The following DCP1B variants were observed in gnomAD, a reference collection of about 807,000 sequenced individuals.
The protein encoded by DCP1B is mRNA-decapping enzyme 1B.
DCP1B carries 47 observed loss-of-function variants against 60.5 expected under a neutral mutation model. The observed-to-expected ratio is 0.78, with a 90% confidence interval of 0.61 to 0.99. DCP1B has a LOEUF of 0.99. DCP1B is among the 50% of genes least tolerant of loss of function. The pLI, the probability that DCP1B is intolerant of heterozygous loss-of-function variation, is 0.00. For synonymous variants in DCP1B, 267 were observed against 280.3 expected, an observed-to-expected ratio of 0.95 and a Z score of 0.47; for missense variants, 725 against 756.8, an observed-to-expected ratio of 0.96 and a Z score of 0.49.
rs570167295 is a variant in DCP1B, at chr12:1,972,576, T to A, written c.320-4666A>T. 2.0e-5 allele frequency among the ~76,000 whole-genome samples: 3 copies of A among 152,354 alleles called. No homozygotes were observed. In the South Asian group the frequency reaches 6.2e-4, roughly 32 times the overall value. On this transcript the variant is annotated intron_variant, in intron 3 of 8. Coordinates refer to ENST00000280665, the MANE Select transcript of DCP1B (RefSeq NM_152640.5). The stretch of plus-strand genomic sequence containing the variant: ...AAGAACCTATTTCACCAATGAGGAA[T>A]CTGTGGTCTAACAAGGTTAAATAAG...
intron 3 of DCP1B, among the ~76,000 whole-genome samples, chr12:1,985,686 G>A (rs747588751): frequency 2.4e-4 from 37 of 152,290 alleles, no homozygotes; most frequent in Non-Finnish European, 3.5e-4. Context: ...GAGACTCAGA[G>A]TCCTCTTGAA....
At chr12:1,957,191 A>G (rs576913887) in intron 5 of DCP1B, among the ~76,000 whole-genome samples, 1 of 152,354 alleles carries the variant, frequency 6.6e-6, no homozygotes, top group South Asian at 2.1e-4. Context: ...GGGGGGAAAA[A>G]CAGTTTTTGA....
In DCP1B at chr12:2,004,385, A is replaced by T. The variant is rs770383084; in HGVS notation, c.47T>A (p.Ile16Asn). 1 of 1,612,676 alleles carries T rather than the reference A, an allele frequency of 6.2e-7. No individual in the cohort carries two copies. The highest frequency in any genetic ancestry group is 1.3e-5 in the African/African-American group (1 of 75,040). ...AGGLVGKGRDISLAALQRHDP... is the reference protein window; with the variant it reads ...AGGLVGKGRDNSLAALQRHDP... ...GTGGCGCTGCAGGGCCGCTAGGCTG[A>T]TGTCGCGCCCCTTTCCCACCAGGCC... The change falls in exon 1 of 9, where the codon ATC becomes AAC. Residue 16 changes from isoleucine (I) to asparagine (N), a missense_variant. Transcript: ENST00000280665.
At chr12:2,003,216 C>T (rs1474833701) in intron 1 of DCP1B, among the ~76,000 whole-genome samples, 3 of 152,044 alleles carry the variant, frequency 2.0e-5, no homozygotes, top group Non-Finnish European at 4.4e-5. Flanking sequence ...AACTATACTG[C>T]AGATAAGTAG....
At chr12:1,965,888 A>AG (rs2031278016) in intron 4 of DCP1B, among the ~76,000 whole-genome samples, 195 bp from the exon 5 acceptor site, 1 of 152,214 alleles carries the variant, frequency 6.6e-6, no homozygotes, top group Non-Finnish European at 1.5e-5. Context: ...AATCTAGGAT[A>AG]GGGGTCAGCA....
At chr12:1,952,354 T>TG (rs2030706695) in intron 7 of DCP1B, 62 bp downstream of exon 7, 5 of 1,478,932 alleles carry the variant, frequency 3.4e-6, no homozygotes, top group Non-Finnish European at 4.5e-6. Context: ...TTTTTTTTTT[T>TG]TAGGGACAGG....
intron 2 of DCP1B, among the ~76,000 whole-genome samples, chr12:1,997,433 T>G (rs1000064599): frequency 2.0e-5 from 3 of 152,168 alleles, no homozygotes; most frequent in Non-Finnish European, 1.5e-5. Flanking sequence ...GGCAGGAGAA[T>G]CACTTGAACT....
At position 1,949,167 on chromosome 12, in the gene DCP1B, T is replaced by A; in HGVS notation, c.1692A>T (p.Ile564=). 6.2e-7 allele frequency: 1 copy of A among 1,614,060 alleles called. No individual in the cohort carries two copies. Among genetic ancestry groups the A allele is most frequent in the Non-Finnish European group, 8.5e-7 (1 of 1,180,002 alleles). ...TGATCACGGAGGGCTCCGGGCTCTG[T>A]ATGGGCAGGAGGAGGCTGGTGGCAG... ...PAAATSLLLP[I]QSPEPSVITS... Residue 564 remains isoleucine, a synonymous_variant, in exon 8 of 9, where the codon ATA becomes ATT. Transcript: ENST00000280665.
chr12:1,987,188 A>T (rs2038047796), intron 3 of DCP1B, among the ~76,000 whole-genome samples: 9 of 152,214 alleles, frequency 5.9e-5, no homozygotes, highest in Admixed American at 5.9e-4. Context: ...GCTGCTAAGG[A>T]AATTATATTC....
chr12:1,991,434 T>A (rs1377976866), intron 3 of DCP1B: 3 of 214,088 alleles, frequency 1.4e-5, no homozygotes, highest in Admixed American at 1.1e-4. Context: ...TTATTTTAAA[T>A]TAAAAAATAC....
chr12:1,971,061 C>A lies in DCP1B; in HGVS notation c.320-3151G>T. On this transcript the variant is annotated intron_variant, in intron 3 of 8. Transcript: ENST00000280665. This position sits in a 1 kb window ranked among gnomAD's most constrained non-coding sequence, Gnocchi z 4.2. ...CAATTAATATACATCTGGAAATTCACAATGCTTCGAGCCTTTGTTCAGCCT... is the reference window on the plus strand; with the variant it reads ...CAATTAATATACATCTGGAAATTCAAAATGCTTCGAGCCTTTGTTCAGCCT... The A allele has an allele frequency of 7.8e-7, 1 of 1,285,110 alleles. No homozygotes were observed. Among genetic ancestry groups the A allele is most frequent in the Non-Finnish European group, 1.0e-6 (1 of 986,798 alleles). The allele number at this position is 1,285,110 out of a possible 1,614,324, so 79.6% of individuals were successfully genotyped here. A position where few individuals can be genotyped will look rare whatever the true frequency, so the allele number is the denominator to read the frequency against.
At chr12:1,956,930 A>G (rs2030906094) in intron 5 of DCP1B, among the ~76,000 whole-genome samples, 1 of 152,236 alleles carries the variant, frequency 6.6e-6, no homozygotes, top group South Asian at 2.1e-4. Flanking sequence ...GCCCATATCC[A>G]TATGGGCTAA....
Position 1,968,759 on chromosome 12 carries a change from A to C in DCP1B, c.320-849T>G, listed in dbSNP as rs985208789. On this transcript the variant is annotated intron_variant, in intron 3 of 8. Transcript: ENST00000280665. ...GCCACTGGAAAAAATAAAATTTAAT[A>C]ATAAACTTCTGGCTTCAAAATGGTA... Among the ~76,000 whole-genome samples, 28 of 152,242 alleles carry C rather than the reference A, an allele frequency of 1.8e-4. 1 individual carries two copies. Among genetic ancestry groups the C allele is most frequent in the Admixed American group, 6.5e-5 (1 of 15,284 alleles).
intron 6 of DCP1B, among the ~76,000 whole-genome samples, chr12:1,953,490 C>A (rs932468128): frequency 1.4e-4 from 22 of 152,016 alleles, no homozygotes; most frequent in Admixed American, 1.0e-3. Flanking sequence ...CCTTGCACCC[C>A]CAAAACAGTT....
Position 1,950,484 on chromosome 12 carries a change from A to G in DCP1B, c.1525-1150T>C, listed in dbSNP as rs1321145711. On this transcript the variant is annotated intron_variant, in intron 7 of 8. Transcript: ENST00000280665. ...AGGAAAAAAGCAGACATTTTTAAAA[A>G]AGGGACAATAACACTGAAATGAGGG... The G allele has an allele frequency of 1.3e-5, 9 of 694,344 alleles. No homozygotes were observed. The Admixed American group carries it at 1.8e-4, about 14-fold the overall frequency. The allele number at this position is 694,344 out of a possible 1,614,324, so 43.0% of individuals were successfully genotyped here. A position where few individuals can be genotyped will look rare whatever the true frequency, so the allele number is the denominator to read the frequency against.
intron 3 of DCP1B, among the ~76,000 whole-genome samples, chr12:1,990,083 G>A (rs975310642): frequency 2.6e-5 from 4 of 152,152 alleles, no homozygotes; most frequent in Admixed American, 1.3e-4. Flanking sequence ...CTTGGGTCTC[G>A]AAGTTAAGGT....
intron 5 of DCP1B, among the ~76,000 whole-genome samples, chr12:1,959,730 C>A (rs747003002): frequency 6.6e-6 from 1 of 152,092 alleles, no homozygotes; most frequent in Non-Finnish European, 1.5e-5. Flanking sequence ...GAGGCTGAGG[C>A]GGGCGGATCA....
Position 1,992,922 on chromosome 12 carries a change from C to G in DCP1B, c.319+342G>C, listed in dbSNP as rs547552536. 1.6e-5 allele frequency: 9 copies of G among 546,172 alleles called. No individual in the cohort carries two copies. The East Asian group carries it at 1.8e-4, about 11-fold the overall frequency. The allele number at this position is 546,172 out of a possible 1,614,324, so 33.8% of individuals were successfully genotyped here. ...ACTCGTTAATTCTTCGTTCAGGGAG[C>G]CACCTATGTGTGTGTCTCTGCAGTC... On this transcript the variant is annotated intron_variant, in intron 3 of 8. Coordinates refer to ENST00000280665, the MANE Select transcript of DCP1B (RefSeq NM_152640.5).
chr12:1,944,080 C>G (rs530324560), downstream of DCP1B, among the ~76,000 whole-genome samples: 23 of 152,204 alleles, frequency 1.5e-4, no homozygotes, highest in Non-Finnish European at 2.5e-4. Context: ...GCAATTTCAG[C>G]AAAGTCTCAG....
Sources: gnomAD v4.1 joint callset for allele counts (sites outside exome capture counted in the v4.1 genomes callset) on GRCh38, gnomAD v4.1.1 for gene constraint, Gnocchi (gnomAD v3.1) non-coding constraint, MANE v1.5 for transcripts, NCBI Gene and HGNC (gene_info 2026-07-23, HGNC 2026-07-21) for gene names.